Variants in MFAP2 observed in about 807,000 individuals in gnomAD.
MFAP2 encodes microfibrillar-associated protein 2.
A neutral mutation model predicts 30.6 loss-of-function variants in MFAP2; 23 were observed. The ratio of observed to expected loss-of-function variants is 0.75; its 90% CI spans 0.54 to 1.07. The LOEUF is 1.07. Ranked by LOEUF, MFAP2 falls within the 50% of genes least tolerant of loss-of-function variation. The pLI is 0.00. For missense variants in MFAP2, 198 were observed against 223.8 expected (o/e 0.88, Z 0.74); for synonymous variants, 73 against 85.7 (o/e 0.85, Z 0.82).
In MFAP2 at chr1:16,975,455, AC is replaced by A; in HGVS notation, c.375-114del. 1 of 924,502 alleles carries A rather than the reference AC, an allele frequency of 1.1e-6. No homozygotes were observed. The highest frequency in any genetic ancestry group is 1.5e-6 in the Non-Finnish European group (1 of 659,586). 57.3% of individuals were successfully genotyped at this position (924,502 alleles called of 1,614,324 possible). A position where few individuals can be genotyped will look rare whatever the true frequency, so the allele number is the denominator to read the frequency against. ...GACAGAACCTGGCACGGGAGCCCGG[AC>A]AGAACCTGGCACTGGAGCCCAGGAG... On this transcript the variant is annotated intron_variant, in intron 7 of 8. Transcript: ENST00000375535. The surrounding 1 kb of genome is among the most constrained non-coding windows in gnomAD (Gnocchi z 5.0).
chr1:16,976,046 A>G lies in MFAP2; in HGVS notation c.287-316T>C, dbSNP rs1208499638. The G allele has an allele frequency of 4.3e-6, 2 of 467,584 alleles. No homozygotes were observed. Among genetic ancestry groups the G allele is most frequent in the Admixed American group, 3.8e-5 (1 of 26,532 alleles). The allele number at this position is 467,584 out of a possible 1,614,324, so 29.0% of individuals were successfully genotyped here. On this transcript the variant is annotated intron_variant, in intron 6 of 8. Transcript: ENST00000375535. This position sits in a 1 kb window ranked among gnomAD's most constrained non-coding sequence, Gnocchi z 5.5. ...TGCCCACGCTCACAGAAGCCCACAT[A>G]GGAGCGCTCACACCAACCCACACGA... is the stretch of plus-strand genomic sequence containing the variant.
chr1:16,979,087 G>C (rs2076616701), intron 1 of MFAP2: 1 of 152,322 alleles, frequency 6.6e-6, no homozygotes, highest in Non-Finnish European at 1.5e-5. Context: ...CCCAGGCTGG[G>C]GGTTCTGCAC....
At chr1:16,981,249 T>C (rs1245520923), upstream of MFAP2, among the ~76,000 whole-genome samples, 1 of 152,178 alleles carries the variant, frequency 6.6e-6, no homozygotes, top group Non-Finnish European at 1.5e-5. Flanking sequence ...TCCTGGGCTG[T>C]TGGGATTACA....
At position 16,975,048 on chromosome 1, in the gene MFAP2, G is replaced by C. The variant is rs1387351954; in HGVS notation, c.449-25C>G. The stretch of plus-strand genomic sequence containing the variant: ...GCTATTGGGGGCAGGAAGGAGGCAG[G>C]GTCAGGGTGGAGCTGGGTGATGGGA... On this transcript the variant is annotated intron_variant, in intron 8 of 8. Coordinates refer to ENST00000375535, the MANE Select transcript of MFAP2 (RefSeq NM_002403.4). The surrounding 1 kb of genome is among the most constrained non-coding windows in gnomAD (Gnocchi z 5.0). 1 of 872,888 alleles carries C rather than the reference G, an allele frequency of 1.1e-6. No individual in the cohort carries two copies. The highest frequency in any genetic ancestry group is 1.7e-5 in the African/African-American group (1 of 60,088). 54.1% of individuals were successfully genotyped at this position (872,888 alleles called of 1,614,324 possible).
At chr1:16,978,428 G>T (rs1230751618) in intron 1 of MFAP2, 114 bp from the exon 2 acceptor site, 5 of 842,258 alleles carry the variant, frequency 5.9e-6, no homozygotes, top group East Asian at 5.6e-5. Context: ...TAGAAGCCAG[G>T]CATGGGAGGG....
chr1:16,975,503 G>C lies in MFAP2; in HGVS notation c.374+140C>G. The C allele has an allele frequency of 8.2e-7, 1 of 1,223,450 alleles. No homozygotes were observed. The allele number at this position is 1,223,450 out of a possible 1,614,324, so 75.8% of individuals were successfully genotyped here. On this transcript the variant is annotated intron_variant, in intron 7 of 8. Coordinates refer to ENST00000375535, the MANE Select transcript of MFAP2 (RefSeq NM_002403.4). This position sits in a 1 kb window ranked among gnomAD's most constrained non-coding sequence, Gnocchi z 5.0. ...GGAGTGGAGGAGGTCCCTGGCCCAGGCTCAACCACAGAACTGAGCTCAACT... is the reference window on the plus strand; with the variant it reads ...GGAGTGGAGGAGGTCCCTGGCCCAGCCTCAACCACAGAACTGAGCTCAACT...
chr1:16,978,303 C>G lies in MFAP2; in HGVS notation c.-30G>C, dbSNP rs1298258624. 6.4e-7 allele frequency: 1 copy of G among 1,566,628 alleles called. No homozygotes were observed. Among genetic ancestry groups the G allele is most frequent in the Admixed American group, 1.9e-5 (1 of 51,952 alleles). On this transcript the variant is annotated 5_prime_UTR_variant, in exon 2 of 9. Transcript: ENST00000375535. ...ACAAAGAGGCAGGCCGGGGTGGTGT[C>G]AGAGAGGACAGCTGGGGAAAGACCG... is the stretch of plus-strand genomic sequence containing the variant.
rs774256299 is a variant in MFAP2 at position 16,975,608 on chromosome 1, C to T, written c.374+35G>A. 22 of 1,604,218 alleles carry T rather than the reference C, an allele frequency of 1.4e-5. No homozygotes were observed. Among genetic ancestry groups the T allele is most frequent in the South Asian group, 4.4e-5 (4 of 90,400 alleles). On this transcript the variant is annotated intron_variant, in intron 7 of 8. Transcript: ENST00000375535. The surrounding 1 kb of genome is among the most constrained non-coding windows in gnomAD (Gnocchi z 5.0). ...CTGTGCCCTCTAGCCCCCCATGCTCCGGAATCCTCCCGACAGCTGCCCATC... is the reference window on the plus strand; with the variant it reads ...CTGTGCCCTCTAGCCCCCCATGCTCTGGAATCCTCCCGACAGCTGCCCATC...
At position 16,975,415 on chromosome 1, in the gene MFAP2, TGGC is replaced by T. The variant is rs2076581710; in HGVS notation, c.375-76_375-74del. 1.0e-6 allele frequency: 1 copy of T among 1,001,194 alleles called. No homozygotes were observed. The highest frequency in any genetic ancestry group is 1.3e-6 in the Non-Finnish European group (1 of 787,598). 62.0% of individuals were successfully genotyped at this position (1,001,194 alleles called of 1,614,324 possible). A position where few individuals can be genotyped will look rare whatever the true frequency, so the allele number is the denominator to read the frequency against. On this transcript the variant is annotated intron_variant, in intron 7 of 8. Coordinates refer to ENST00000375535, the MANE Select transcript of MFAP2 (RefSeq NM_002403.4). This position sits in a 1 kb window ranked among gnomAD's most constrained non-coding sequence, Gnocchi z 5.0. ...CCACTGGGATAGCCCAGACAGAACCTGGCACGGGAGCCCGGACAGAACCTGGCA... is the reference window on the plus strand; with the variant it reads ...CCACTGGGATAGCCCAGACAGAACCTACGGGAGCCCGGACAGAACCTGGCA...
In MFAP2 at chr1:16,976,486, CAAGA is replaced by C. The variant is rs1374943572; in HGVS notation, c.286+11_286+14del. 1.2e-6 allele frequency: 2 copies of C among 1,614,190 alleles called. No homozygotes were observed. Among genetic ancestry groups the C allele is most frequent in the Non-Finnish European group, 1.7e-6 (2 of 1,180,010 alleles). ...GGCGTGCCTCCATTTTTCCAGCTGTCAAGAAAGCCCTTACCAAGAGGCCCAGGCT... is the reference window on the plus strand; with the variant it reads ...GGCGTGCCTCCATTTTTCCAGCTGTCAAGCCCTTACCAAGAGGCCCAGGCT... On this transcript the variant is annotated intron_variant, in intron 6 of 8. Transcript: ENST00000375535. This position sits in a 1 kb window ranked among gnomAD's most constrained non-coding sequence, Gnocchi z 5.5.
Position 16,974,851 on chromosome 1 carries a change from C to T in MFAP2, c.*69G>A, listed in dbSNP as rs1431389724. 7.0e-6 allele frequency: 4 copies of T among 570,026 alleles called. No individual in the cohort carries two copies. Among genetic ancestry groups the T allele is most frequent in the Admixed American group, 3.3e-5 (1 of 30,626 alleles). 35.3% of individuals were successfully genotyped at this position (570,026 alleles called of 1,614,324 possible). ...AGGAACATGGGGATGGGGAAAAAAG[C>T]ACCAGGTCAGGCAGGGCCCGAGGGC... On this transcript the variant is annotated 3_prime_UTR_variant, in exon 9 of 9. Transcript: ENST00000375535.
At chr1:16,981,503 G>A (rs936827829), upstream of MFAP2, among the ~76,000 whole-genome samples, 13 of 151,642 alleles carry the variant, frequency 8.6e-5, no homozygotes, top group Non-Finnish European at 1.0e-4. Context: ...GCACCCACCC[G>A]TGAATGCTAC....
At position 16,976,634 on chromosome 1, in the gene MFAP2, C is replaced by T. The variant is rs920751970; in HGVS notation, c.241+74G>A. ...ACCTCTCCCAGCCCTGGCAGACCCC[C>T]ACTCCCAGGGTTGACAGGGTGGGGA... On this transcript the variant is annotated intron_variant, in intron 5 of 8. Coordinates refer to ENST00000375535, the MANE Select transcript of MFAP2 (RefSeq NM_002403.4). This position sits in a 1 kb window ranked among gnomAD's most constrained non-coding sequence, Gnocchi z 5.5. 1.9e-6 allele frequency: 3 copies of T among 1,610,746 alleles called. No individual in the cohort carries two copies. Among genetic ancestry groups the T allele is most frequent in the African/African-American group, 1.3e-5 (1 of 74,928 alleles).
chr1:16,978,341 T>C, intron 1 of MFAP2, 27 bp from the exon 2 acceptor site: 35 of 1,514,870 alleles, frequency 2.3e-5, no homozygotes, highest in Non-Finnish European at 3.1e-5. Flanking sequence ...GGGAGAGCTC[T>C]ACCCAGGGCC....
At position 16,976,582 on chromosome 1, in the gene MFAP2, AG is replaced by A. The variant is rs765423379; in HGVS notation, c.242-38del. On this transcript the variant is annotated intron_variant, in intron 5 of 8. Coordinates refer to ENST00000375535, the MANE Select transcript of MFAP2 (RefSeq NM_002403.4). This position sits in a 1 kb window ranked among gnomAD's most constrained non-coding sequence, Gnocchi z 5.5. ...ACAGAGGTAGGCAGACATCACTGGG[AG>A]GGGTCTCCTCAGGGCAAGGGGAGTC... 1 of 1,614,050 alleles carries A rather than the reference AG, an allele frequency of 6.2e-7. No individual in the cohort carries two copies. Among genetic ancestry groups the A allele is most frequent in the Non-Finnish European group, 8.5e-7 (1 of 1,179,916 alleles).
At chr1:16,977,043 T>C in intron 3 of MFAP2, 66 bp downstream of exon 3, 1 of 1,611,958 alleles carries the variant, frequency 6.2e-7, no homozygotes, top group Non-Finnish European at 8.5e-7. Flanking sequence ...GCGTGTCCAG[T>C]GCGGTCCCTG....
In MFAP2 at chr1:16,975,986, C is replaced by T. The variant is rs574477501; in HGVS notation, c.287-256G>A. On this transcript the variant is annotated intron_variant, in intron 6 of 8. Transcript: ENST00000375535. This position sits in a 1 kb window ranked among gnomAD's most constrained non-coding sequence, Gnocchi z 5.0. Reference sequence around the variant, plus strand: ...CAGAAATTTGCACCCACCCATGCATCGCCACAAAAGCCCATACCAACTCCC... The same window carrying T: ...CAGAAATTTGCACCCACCCATGCATTGCCACAAAAGCCCATACCAACTCCC... 9.2e-5 allele frequency among the ~76,000 whole-genome samples: 14 copies of T among 152,272 alleles called. No homozygotes were observed. The South Asian group carries it at 1.7e-3, about 18-fold the overall frequency.
At chr1:16,980,267 A>ACACCCCC (rs1557656639) in intron 1 of MFAP2, among the ~76,000 whole-genome samples, 30 of 80,288 alleles carry the variant, frequency 3.7e-4, no homozygotes, top group Non-Finnish European at 5.0e-4. Context: ...TTCCCACCGG[A>ACACCCCC]CCCCCCCCCC....
At position 16,975,411 on chromosome 1, in the gene MFAP2, A is replaced by C. The variant is rs2076581652; in HGVS notation, c.375-69T>G. 1 of 1,034,154 alleles carries C rather than the reference A, an allele frequency of 9.7e-7. No individual in the cohort carries two copies. Among genetic ancestry groups the C allele is most frequent in the African/African-American group, 2.7e-5 (1 of 36,548 alleles). The allele number at this position is 1,034,154 out of a possible 1,614,324, so 64.1% of individuals were successfully genotyped here. On this transcript the variant is annotated intron_variant, in intron 7 of 8. Transcript: ENST00000375535. This position sits in a 1 kb window ranked among gnomAD's most constrained non-coding sequence, Gnocchi z 5.0. Reference sequence around the variant, plus strand: ...AATCCCACTGGGATAGCCCAGACAGAACCTGGCACGGGAGCCCGGACAGAA... The same window carrying C: ...AATCCCACTGGGATAGCCCAGACAGCACCTGGCACGGGAGCCCGGACAGAA...
Sources: gnomAD v4.1 joint callset for allele counts (sites outside exome capture counted in the v4.1 genomes callset) on GRCh38, gnomAD v4.1.1 for gene constraint, Gnocchi (gnomAD v3.1) non-coding constraint, MANE v1.5 for transcripts, NCBI Gene and HGNC (gene_info 2026-07-23, HGNC 2026-07-21) for gene names.